BRINP2: variants seen among roughly 807,000 people sequenced by gnomAD.
The protein encoded by BRINP2 is BMP/retinoic acid-inducible neural-specific protein 2.
BRINP2 carries 21 observed loss-of-function variants against 69.2 expected under a neutral mutation model. The ratio of observed to expected loss-of-function variants is 0.30; its 90% CI spans 0.22 to 0.44. BRINP2 has a LOEUF of 0.44. Among genes scored for constraint, BRINP2 ranks in the 20% least tolerant of loss-of-function variants. The probability of loss-of-function intolerance (pLI) is 1.00; values close to 1 mark genes in which losing one functional copy is unlikely to be tolerated. For synonymous variants in BRINP2, 380 were observed against 394.1 expected (o/e 0.96, Z 0.42); for missense variants, 877 against 986.0 (o/e 0.89, Z 1.48).
intron 1 of BRINP2, among the ~76,000 whole-genome samples, chr1:177,177,248 T>C (rs1300711534): frequency 1.3e-5 from 2 of 151,826 alleles, no homozygotes; most frequent in African/African-American, 2.4e-5. Context: ...GCCACTGCAC[T>C]CCAGCCTGGG....
At chr1:177,231,603 T>C (rs905575878) in intron 2 of BRINP2, among the ~76,000 whole-genome samples, 4 of 152,154 alleles carry the variant, frequency 2.6e-5, no homozygotes, top group South Asian at 2.1e-4. Flanking sequence ...CAGAGATTCA[T>C]AGAAACAAAA....
At chr1:177,248,452 T>TGTGC (rs1216887504) in intron 2 of BRINP2, among the ~76,000 whole-genome samples, 1 of 151,116 alleles carries the variant, frequency 6.6e-6, no homozygotes, top group African/African-American at 2.4e-5. Flanking sequence ...TGTGTGTGTG[T>TGTGC]GTGCGTGCGT....
intron 1 of BRINP2, among the ~76,000 whole-genome samples, chr1:177,195,667 G>T (rs745650258): frequency 6.6e-6 from 1 of 151,634 alleles, no homozygotes; most frequent in Non-Finnish European, 1.5e-5. Flanking sequence ...AGTGGGGGGG[G>T]AATCAATCCC....
chr1:177,276,526 C>T, intron 6 of BRINP2, 92 bp downstream of exon 6: 1 of 1,173,450 alleles, frequency 8.5e-7, no homozygotes, highest in East Asian at 2.5e-5. Flanking sequence ...AGTTGAGGAT[C>T]CTCATGGGGA....
At chr1:177,215,727 A>G (rs929318649) in intron 1 of BRINP2, among the ~76,000 whole-genome samples, 1 of 152,168 alleles carries the variant, frequency 6.6e-6, no homozygotes, top group Non-Finnish European at 1.5e-5. Context: ...TTCCAAAACC[A>G]TGATGAATAG....
chr1:177,273,418 T>G, intron 4 of BRINP2, 70 bp from the exon 5 acceptor site: 1 of 1,011,878 alleles, frequency 9.9e-7, no homozygotes, highest in Non-Finnish European at 1.5e-6. Context: ...ATGGAGCAGC[T>G]GGAGAAGGGA....
Position 177,273,483 on chromosome 1 carries a change from T to G in BRINP2, c.670-5T>G, listed in dbSNP as rs1651398462. On this transcript the variant is annotated splice_polypyrimidine_tract_variant and splice_region_variant and intron_variant, in intron 4 of 7. Coordinates refer to ENST00000361539, the MANE Select transcript of BRINP2 (RefSeq NM_021165.4). Reference sequence around the variant, plus strand: ...AAACCCACTCCCTACTCCTTCCTTCTCTAGGTCACCGAGACCAGGACCGGT... The same window carrying G: ...AAACCCACTCCCTACTCCTTCCTTCGCTAGGTCACCGAGACCAGGACCGGT... The G allele has an allele frequency of 3.7e-6, 6 of 1,604,230 alleles. No individual in the cohort carries two copies. The highest frequency in any genetic ancestry group is 5.1e-6 in the Non-Finnish European group (6 of 1,175,054).
chr1:177,204,390 G>A (rs1290681931), intron 1 of BRINP2, among the ~76,000 whole-genome samples: 1 of 152,024 alleles, frequency 6.6e-6, no homozygotes, highest in Non-Finnish European at 1.5e-5. Flanking sequence ...TATACAGCAA[G>A]AGAGAGAAAA....
chr1:177,242,451 C>T (rs951579050), intron 2 of BRINP2, among the ~76,000 whole-genome samples: 8 of 152,176 alleles, frequency 5.3e-5, no homozygotes, highest in African/African-American at 1.7e-4. Context: ...GATTTGCCCA[C>T]AGAAGGCCCC....
chr1:177,182,408 T>C (rs1648287057), intron 1 of BRINP2, among the ~76,000 whole-genome samples: 1 of 152,094 alleles, frequency 6.6e-6, no homozygotes, highest in Non-Finnish European at 1.5e-5. Flanking sequence ...AAGTGAGACA[T>C]GGTGCTTTTC....
In BRINP2 at chr1:177,214,158, G is replaced by T. The variant is rs141322540; in HGVS notation, c.-76-15643G>T. 6.7e-3 allele frequency among the ~76,000 whole-genome samples: 1,023 copies of T among 152,274 alleles called. 12 individuals carry two copies. Among genetic ancestry groups the T allele is most frequent in the African/African-American group, 0.023 (955 of 41,546 alleles). On this transcript the variant is annotated intron_variant, in intron 1 of 7. Coordinates refer to ENST00000361539, the MANE Select transcript of BRINP2 (RefSeq NM_021165.4). ...GATGTTAAAGAATTAAAGGCCGGGTGCGGTAGCTCATGCCTGTAATCCCAG... is the reference window on the plus strand; with the variant it reads ...GATGTTAAAGAATTAAAGGCCGGGTTCGGTAGCTCATGCCTGTAATCCCAG...
intron 2 of BRINP2, among the ~76,000 whole-genome samples, 197 bp downstream of exon 2, chr1:177,230,342 A>G (rs1232712209): frequency 6.6e-6 from 1 of 152,210 alleles, no homozygotes; most frequent in Non-Finnish European, 1.5e-5. Flanking sequence ...GAAAACACAC[A>G]CAAGCTGGAA....
chr1:177,266,795 AG>A (rs1383404768), intron 4 of BRINP2, among the ~76,000 whole-genome samples: 2 of 151,328 alleles, frequency 1.3e-5, no homozygotes, highest in Non-Finnish European at 2.9e-5. Context: ...GAAAAAAAAA[AG>A]TTACTCTTTT....
intron 1 of BRINP2, among the ~76,000 whole-genome samples, chr1:177,191,531 T>C (rs967646904): frequency 2.0e-5 from 3 of 152,194 alleles, no homozygotes; most frequent in Admixed American, 6.5e-5. Context: ...CTCAGCTCAC[T>C]GCAACCTCTG....
In BRINP2 at chr1:177,200,729, A is replaced by G. The variant is rs956682696; in HGVS notation, c.-77+28997A>G. On this transcript the variant is annotated intron_variant, in intron 1 of 7. Transcript: ENST00000361539. ...TTTCTTCTTCTTCCTGGCATTTATG[A>G]TCACTTAATACTTTGTGTATGTATT... Among the ~76,000 whole-genome samples, 23 of 152,250 alleles carry G rather than the reference A, an allele frequency of 1.5e-4. 1 individual carries two copies. The highest frequency in any genetic ancestry group is 8.3e-4 in the South Asian group (4 of 4,826).
intron 4 of BRINP2, among the ~76,000 whole-genome samples, chr1:177,261,252 T>C (rs1398780638): frequency 6.6e-6 from 1 of 151,790 alleles, no homozygotes; most frequent in Admixed American, 6.6e-5. Context: ...CCTTACTGAT[T>C]AGGAAGTAGA....
intron 1 of BRINP2, among the ~76,000 whole-genome samples, chr1:177,197,792 G>A (rs1648789960): frequency 6.6e-6 from 1 of 152,164 alleles, no homozygotes; most frequent in South Asian, 2.1e-4. Flanking sequence ...TGAATGAATT[G>A]GATGGGGAAT....
At chr1:177,189,393 C>G (rs1248934234) in intron 1 of BRINP2, among the ~76,000 whole-genome samples, 1 of 2,172 alleles carries the variant, frequency 4.6e-4, no homozygotes, top group Non-Finnish European at 8.1e-4. Context: ...TCAGGACAGT[C>G]CTGCCTCTGC....
chr1:177,275,850 T>C (rs1651474726), intron 5 of BRINP2, among the ~76,000 whole-genome samples: 1 of 152,252 alleles, frequency 6.6e-6, no homozygotes. Flanking sequence ...TAAGCTCTTC[T>C]TTTATCTGAA....
Sources: gnomAD v4.1 joint callset for allele counts (sites outside exome capture counted in the v4.1 genomes callset) on GRCh38, gnomAD v4.1.1 for gene constraint, MANE v1.5 for transcripts, NCBI Gene and HGNC (gene_info 2026-07-23, HGNC 2026-07-21) for gene names.